FHIT: variants seen among roughly 807,000 people sequenced by gnomAD.
The protein encoded by FHIT is fragile histidine triad diadenosine triphosphatase, also known as bis(5'-adenosyl)-triphosphatase.
FHIT carries 19 observed loss-of-function variants against 17.9 expected under a neutral mutation model. That is an observed-to-expected ratio of 1.06 (90% CI 0.74 to 1.56). FHIT has a LOEUF of 1.56. FHIT is among the 40% of genes most tolerant of loss of function. The pLI is 0.00. For synonymous variants in FHIT, 81 were observed against 69.7 expected, an observed-to-expected ratio of 1.16 and a Z score of -0.81; for missense variants, 248 against 189.2, an observed-to-expected ratio of 1.31 and a Z score of -1.82.
In FHIT at chr3:60,363,196, G is replaced by A. The variant is rs991884846; in HGVS notation, c.103+173664C>T. Among the ~76,000 whole-genome samples the A allele has an allele frequency of 7.2e-5, 11 of 152,126 alleles. 1 individual carries two copies. In the South Asian group the frequency reaches 1.2e-3, roughly 17 times the overall value. On this transcript the variant is annotated intron_variant, in intron 5 of 9. Coordinates refer to ENST00000492590, the MANE Select transcript of FHIT (RefSeq NM_002012.4). ...AATTCGTGGTGCTCCTATCCAGGTCGGCAACCCCACATCAGTCCTTACCAT... is the reference window on the plus strand; with the variant it reads ...AATTCGTGGTGCTCCTATCCAGGTCAGCAACCCCACATCAGTCCTTACCAT...
intron 6 of FHIT, among the ~76,000 whole-genome samples, chr3:60,011,730 G>C (rs1038097924): frequency 3.9e-5 from 6 of 152,156 alleles, no homozygotes; most frequent in African/African-American, 1.4e-4. Context: ...ACACCTTCTG[G>C]TTATGTTTAG....
intron 1 of FHIT, among the ~76,000 whole-genome samples, chr3:61,226,502 T>A (rs1488074585): frequency 6.6e-6 from 1 of 152,158 alleles, no homozygotes; most frequent in Non-Finnish European, 1.5e-5. Flanking sequence ...AGATGAGGAC[T>A]GTGTGCTGAA....
intron 2 of FHIT, among the ~76,000 whole-genome samples, chr3:61,058,969 C>T (rs979098332): frequency 1.4e-4 from 21 of 152,322 alleles, no homozygotes; most frequent in African/African-American, 4.6e-4. Flanking sequence ...CAAGACTCTA[C>T]TCCTCCAAAC....
intron 1 of FHIT, among the ~76,000 whole-genome samples, chr3:61,208,435 T>C (rs550600238): frequency 2.3e-4 from 35 of 152,192 alleles, no homozygotes; most frequent in African/African-American, 6.5e-4. Context: ...CCCATTATTA[T>C]TGTGTGGGAG....
chr3:60,792,701 C>G (rs1700824494), intron 4 of FHIT, among the ~76,000 whole-genome samples: 1 of 152,148 alleles, frequency 6.6e-6, no homozygotes, highest in Admixed American at 6.5e-5. Flanking sequence ...GAGCAAAGTG[C>G]TTTTTGGTAA....
intron 8 of FHIT, among the ~76,000 whole-genome samples, chr3:59,760,516 C>A (rs772149968): frequency 6.6e-6 from 1 of 151,352 alleles, no homozygotes; most frequent in African/African-American, 2.4e-5. Context: ...CCTCCACGAA[C>A]CAAGGTGGGC....
chr3:61,119,217 A>G (rs564383614), intron 2 of FHIT, among the ~76,000 whole-genome samples: 30 of 151,768 alleles, frequency 2.0e-4, no homozygotes, highest in Non-Finnish European at 3.8e-4. Flanking sequence ...AGATACTGTG[A>G]TAGTAATTTT....
chr3:60,861,195 C>CATATATATGATATATCATATCATATA (rs1491470775), intron 3 of FHIT, among the ~76,000 whole-genome samples: 1 of 1,482 alleles, frequency 6.7e-4, no homozygotes, highest in African/African-American at 3.5e-3. Flanking sequence ...TGATATATAT[C>CATATATATGATATATCATATCATATA]ATATATGATA....
At chr3:60,138,373 C>G (rs952712402) in intron 5 of FHIT, among the ~76,000 whole-genome samples, 3 of 152,136 alleles carry the variant, frequency 2.0e-5, no homozygotes, top group African/African-American at 7.2e-5. Flanking sequence ...ACAACAACAA[C>G]AAAAGTAAAT....
chr3:60,416,785 G>A (rs1206310289), intron 5 of FHIT, among the ~76,000 whole-genome samples: 1 of 152,082 alleles, frequency 6.6e-6, no homozygotes, highest in Non-Finnish European at 1.5e-5. Context: ...ATTTACTGTA[G>A]CGTTAAAAAT....
chr3:60,900,109 T>G (rs1706036419), intron 3 of FHIT, among the ~76,000 whole-genome samples: 1 of 152,106 alleles, frequency 6.6e-6, no homozygotes, highest in South Asian at 2.1e-4. Flanking sequence ...TACAAATACT[T>G]TGTGAGGTCA....
At chr3:59,836,853 T>C (rs892821537) in intron 8 of FHIT, among the ~76,000 whole-genome samples, 2 of 152,164 alleles carry the variant, frequency 1.3e-5, no homozygotes, top group African/African-American at 4.8e-5. Context: ...GTCTGAGTGA[T>C]GACTAAATGA....
intron 5 of FHIT, among the ~76,000 whole-genome samples, chr3:60,471,751 C>T (rs933882143): frequency 7.9e-5 from 12 of 152,018 alleles, no homozygotes; most frequent in African/African-American, 2.2e-4. Flanking sequence ...GTGTTTCTGC[C>T]GGGGAACAAC....
At chr3:59,941,488 G>T (rs1446357486) in intron 7 of FHIT, among the ~76,000 whole-genome samples, 1 of 152,132 alleles carries the variant, frequency 6.6e-6, no homozygotes, top group African/African-American at 2.4e-5. Context: ...GGGCCTCCTT[G>T]TGATATCCCA....
At chr3:59,845,587 G>C (rs1305690674) in intron 8 of FHIT, among the ~76,000 whole-genome samples, 3 of 152,016 alleles carry the variant, frequency 2.0e-5, no homozygotes, top group Admixed American at 2.0e-4. Flanking sequence ...GAATTTTTCA[G>C]TTTTCCTTCT....
At chr3:60,019,072 C>A (rs1395265565) in intron 5 of FHIT, among the ~76,000 whole-genome samples, 1 of 152,208 alleles carries the variant, frequency 6.6e-6, no homozygotes, top group Non-Finnish European at 1.5e-5. Context: ...CCTGGACTCA[C>A]TCATGCAACT....
chr3:60,210,501 G>T (rs1320872351), intron 5 of FHIT, among the ~76,000 whole-genome samples: 1 of 147,188 alleles, frequency 6.8e-6, no homozygotes, highest in African/African-American at 2.5e-5. Context: ...ACATTGGTAA[G>T]CTTCACTAGA....
intron 3 of FHIT, among the ~76,000 whole-genome samples, chr3:60,985,277 C>A (rs895856832): frequency 6.6e-6 from 1 of 152,144 alleles, no homozygotes; most frequent in Admixed American, 6.6e-5. Flanking sequence ...GACCCTTGCA[C>A]AAACTCTTCC....
At chr3:60,283,193 A>T (rs1234243130) in intron 5 of FHIT, among the ~76,000 whole-genome samples, 14 of 152,104 alleles carry the variant, frequency 9.2e-5, no homozygotes, top group Admixed American at 7.9e-4. Context: ...GGAAATCTGG[A>T]AAGAACTGAT....
Sources: gnomAD v4.1 joint callset for allele counts (sites outside exome capture counted in the v4.1 genomes callset) on GRCh38, gnomAD v4.1.1 for gene constraint, MANE v1.5 for transcripts, NCBI Gene and HGNC (gene_info 2026-07-23, HGNC 2026-07-21) for gene names.